Variants in FCHO2 observed in about 807,000 individuals in gnomAD.
The protein encoded by FCHO2 is FCH and mu domain containing endocytic adaptor 2, also known as F-BAR domain only protein 2.
In FCHO2, 43 loss-of-function variants were observed where a neutral mutation model predicts 114.1. The observed-to-expected ratio is 0.38, with a 90% CI of 0.30 to 0.49. FCHO2 has a LOEUF of 0.49. FCHO2 is among the 20% of genes least tolerant of loss of function. FCHO2 has a pLI of 0.97. For missense variants in FCHO2, 807 were observed against 950.4 expected (o/e 0.85, Z 1.98); for synonymous variants, 293 against 315.2 (o/e 0.93, Z 0.75).
intron 5 of FCHO2, among the ~76,000 whole-genome samples, chr5:73,003,458 A>C (rs1242117826): frequency 2.0e-5 from 3 of 152,136 alleles, no homozygotes; most frequent in Non-Finnish European, 4.4e-5. Flanking sequence ...GATTATAGGC[A>C]TGTGCCACCA....
intron 22 of FCHO2, among the ~76,000 whole-genome samples, chr5:73,080,258 C>T (rs971977958): frequency 4.6e-5 from 7 of 152,106 alleles, no homozygotes; most frequent in Admixed American, 6.5e-5. Flanking sequence ...AGTTTTAGCC[C>T]ATCAGATTTA....
intron 14 of FCHO2, among the ~76,000 whole-genome samples, 159 bp from the exon 15 acceptor site, chr5:73,054,363 AACT>A (rs1207505770): frequency 6.6e-6 from 1 of 152,164 alleles, no homozygotes; most frequent in Non-Finnish European, 1.5e-5. Flanking sequence ...GTAAAACAAA[AACT>A]ACTGTTTTTT....
chr5:73,022,619 T>C (rs1580119786), intron 8 of FCHO2, among the ~76,000 whole-genome samples: 1 of 152,226 alleles, frequency 6.6e-6, no homozygotes, highest in Non-Finnish European at 1.5e-5. Flanking sequence ...CTGTAGGCAG[T>C]CACTGCCAAT....
intron 13 of FCHO2, 191 bp downstream of exon 13, chr5:73,052,698 G>C (rs1305964937): frequency 5.7e-6 from 3 of 524,718 alleles, no homozygotes; most frequent in Non-Finnish European, 9.9e-6. Context: ...AAGTGAAAAT[G>C]TCAAAAATTT....
rs1350974395 is a variant in FCHO2, at chr5:73,086,026, G to A, written c.2246-1563G>A. 2.6e-5 allele frequency among the ~76,000 whole-genome samples: 4 copies of A among 151,772 alleles called. No homozygotes were observed. In the South Asian group the frequency reaches 8.3e-4, roughly 32 times the overall value. ...AATCCCAGATACTCAGGAGGCTGAG[G>A]CAGGAGAATCGCTTGAACCCAGGAG... On this transcript the variant is annotated intron_variant, in intron 24 of 25. Coordinates refer to ENST00000430046, the MANE Select transcript of FCHO2 (RefSeq NM_138782.3).
chr5:73,062,275 A>G (rs1757889666), intron 17 of FCHO2, among the ~76,000 whole-genome samples: 1 of 152,104 alleles, frequency 6.6e-6, no homozygotes, highest in African/African-American at 2.4e-5. Flanking sequence ...AGTGGTGTTA[A>G]TAAGTATTGT....
At chr5:72,967,302 C>T (rs535614858) in intron 1 of FCHO2, among the ~76,000 whole-genome samples, 26 of 152,120 alleles carry the variant, frequency 1.7e-4, no homozygotes, top group East Asian at 7.7e-4. Context: ...AACAAACAAA[C>T]GAAAATCCCA....
At position 73,054,512 on chromosome 5, in the gene FCHO2, A is replaced by ATC; in HGVS notation, c.1186-9_1186-8dup. ...ATTTGTTTTATGGTACCTATTTTGC[A>ATC]TCTCTGTTTTAGGTACAGATGAATC... On this transcript the variant is annotated splice_polypyrimidine_tract_variant and intron_variant, in intron 14 of 25. Coordinates refer to ENST00000430046, the MANE Select transcript of FCHO2 (RefSeq NM_138782.3). 4 of 1,538,096 alleles carry ATC rather than the reference A, an allele frequency of 2.6e-6. No individual in the cohort carries two copies. In the Admixed American group the frequency reaches 8.2e-5, roughly 32 times the overall value.
intron 8 of FCHO2, among the ~76,000 whole-genome samples, chr5:73,021,534 C>T (rs1337172783): frequency 6.6e-6 from 1 of 152,182 alleles, no homozygotes; most frequent in African/African-American, 2.4e-5. Flanking sequence ...TACTTTCCTA[C>T]ACCACATCTT....
chr5:73,001,875 T>C (rs924461055), intron 5 of FCHO2, among the ~76,000 whole-genome samples: 7 of 149,822 alleles, frequency 4.7e-5, no homozygotes, highest in Middle Eastern at 3.4e-3. Context: ...GGCTACACTC[T>C]AGCCTGGGTG....
At chr5:73,025,740 C>A (rs539748238) in intron 8 of FCHO2, among the ~76,000 whole-genome samples, 1 of 152,236 alleles carries the variant, frequency 6.6e-6, no homozygotes, top group Middle Eastern at 3.4e-3. Context: ...TGACTCACTG[C>A]AATAACAAAA....
At chr5:72,981,110 C>A (rs1266339299) in intron 2 of FCHO2, among the ~76,000 whole-genome samples, 2 of 152,058 alleles carry the variant, frequency 1.3e-5, no homozygotes, top group Non-Finnish European at 2.9e-5. Context: ...TTTAGTGTTT[C>A]CTTCAGGAGC....
chr5:72,979,892 C>T (rs893186876), intron 2 of FCHO2, among the ~76,000 whole-genome samples: 1 of 152,082 alleles, frequency 6.6e-6, no homozygotes, highest in African/African-American at 2.4e-5. Flanking sequence ...TTTCAAAAAA[C>T]CAGCTCCTGG....
At chr5:72,970,470 A>G (rs1752461716) in intron 2 of FCHO2, among the ~76,000 whole-genome samples, 1 of 151,666 alleles carries the variant, frequency 6.6e-6, no homozygotes, top group Non-Finnish European at 1.5e-5. Flanking sequence ...ATGCCTACTT[A>G]TTCTTTTTTT....
At chr5:72,961,624 C>T (rs1039382739) in intron 1 of FCHO2, among the ~76,000 whole-genome samples, 4 of 150,576 alleles carry the variant, frequency 2.7e-5, no homozygotes, top group Non-Finnish European at 4.4e-5. Context: ...GACGGAGTTT[C>T]GCTCTTGTTG....
intron 8 of FCHO2, among the ~76,000 whole-genome samples, chr5:73,026,636 T>C (rs999373701): frequency 1.2e-4 from 19 of 152,198 alleles, no homozygotes; most frequent in Non-Finnish European, 2.4e-4. Flanking sequence ...TAACTCGTTA[T>C]GATAATGTTA....
intron 2 of FCHO2, among the ~76,000 whole-genome samples, chr5:72,983,547 C>CTTTTT (rs35592345): frequency 1.8e-5 from 2 of 112,902 alleles, no homozygotes; most frequent in Non-Finnish European, 3.7e-5. Flanking sequence ...AGTGACAATA[C>CTTTTT]TTTTTTTTTT....
intron 6 of FCHO2, among the ~76,000 whole-genome samples, chr5:73,009,271 C>A (rs1436124854): frequency 1.3e-5 from 2 of 152,194 alleles, no homozygotes; most frequent in East Asian, 3.9e-4. Flanking sequence ...ATTAGGAGCA[C>A]ACATTTATAA....
intron 20 of FCHO2, 104 bp downstream of exon 20, chr5:73,074,957 T>A: frequency 1.1e-6 from 1 of 889,934 alleles, no homozygotes; most frequent in Non-Finnish European, 1.7e-6. Context: ...TGATTCTGTG[T>A]AGATTACAGT....
Sources: gnomAD v4.1 joint callset for allele counts (sites outside exome capture counted in the v4.1 genomes callset) on GRCh38, gnomAD v4.1.1 for gene constraint, MANE v1.5 for transcripts, NCBI Gene and HGNC (gene_info 2026-07-23, HGNC 2026-07-21) for gene names.